ZMYM2: variants seen among roughly 807,000 people sequenced by gnomAD.
ZMYM2 encodes zinc finger MYM-type containing 2.
ZMYM2 carries 56 observed loss-of-function variants against 162.8 expected under a neutral mutation model. The observed-to-expected ratio is 0.34, with a 90% CI of 0.28 to 0.43. ZMYM2 has a LOEUF of 0.43. Among genes scored for constraint, ZMYM2 ranks in the 20% least tolerant of loss-of-function variants. ZMYM2 has a pLI of 1.00. For synonymous variants in ZMYM2, 510 were observed against 541.6 expected (o/e 0.94, Z 0.81); for missense variants, 1,275 against 1,621.8 (o/e 0.79, Z 3.67).
At chr13:20,007,525 AATTT>A (rs1329168710) in intron 6 of ZMYM2, among the ~76,000 whole-genome samples, 4 of 152,156 alleles carry the variant, frequency 2.6e-5, no homozygotes, top group South Asian at 4.2e-4. Context: ...AATCTTCATA[AATTT>A]ATTTATTAAA....
chr13:20,020,857 G>C (rs1027344858), intron 7 of ZMYM2, among the ~76,000 whole-genome samples: 1 of 151,934 alleles, frequency 6.6e-6, no homozygotes, highest in South Asian at 2.1e-4. Flanking sequence ...GTCTCTAAAA[G>C]TTCCATTTGT....
At chr13:19,878,499 CTA>C in the ZMYM2 span, among the ~76,000 whole-genome samples, 1 of 144,360 alleles carries the variant, frequency 6.9e-6, no homozygotes, top group African/African-American at 2.5e-5. Context: ...GGAGAAATGT[CTA>C]TTCAATTCCT....
the ZMYM2 span, among the ~76,000 whole-genome samples, chr13:19,912,421 A>G: frequency 9.4e-3 from 1,417 of 150,524 alleles, 14 homozygotes; most frequent in Middle Eastern, 0.044. Flanking sequence ...CAGCCTCAAC[A>G]TCCTGGGCTC....
At chr13:19,930,358 G>A in the ZMYM2 span, among the ~76,000 whole-genome samples, 6 of 151,840 alleles carry the variant, frequency 4.0e-5, no homozygotes, top group Non-Finnish European at 7.4e-5. Flanking sequence ...CTGAGATCAC[G>A]CCACTGCACT....
Position 20,044,619 on chromosome 13 carries a change from T to G in ZMYM2, c.2293-6814T>G, listed in dbSNP as rs576233855. Among the ~76,000 whole-genome samples the G allele has an allele frequency of 3.3e-5, 5 of 152,280 alleles. No homozygotes were observed. In the South Asian group the frequency reaches 1.0e-3, roughly 32 times the overall value. ...CTTTTCACACATTGCATCAGTTTCTTCCTAGATAAGAAAATGAGTGTAAAT... is the reference window on the plus strand; with the variant it reads ...CTTTTCACACATTGCATCAGTTTCTGCCTAGATAAGAAAATGAGTGTAAAT... On this transcript the variant is annotated intron_variant, in intron 12 of 24. Coordinates refer to ENST00000610343, the MANE Select transcript of ZMYM2 (RefSeq NM_197968.4).
chr13:20,086,959 A>G lies in ZMYM2; in HGVS notation c.*945A>G, dbSNP rs1958311098. The G allele has an allele frequency of 5.5e-6, 1 of 181,558 alleles. No homozygotes were observed. The highest frequency in any genetic ancestry group is 1.2e-5 in the Non-Finnish European group (1 of 85,058). 11.2% of individuals were successfully genotyped at this position (181,558 alleles called of 1,614,324 possible). A position where few individuals can be genotyped will look rare whatever the true frequency, so the allele number is the denominator to read the frequency against. On this transcript the variant is annotated 3_prime_UTR_variant, in exon 25 of 25. Transcript: ENST00000610343. ...TTATTTCTTTTTTTCCCTCTTAAGG[A>G]TACAGATCATGCTGCAATGTTAGCT... is the stretch of plus-strand genomic sequence containing the variant.
intron 6 of ZMYM2, 29 bp from the exon 7 acceptor site, chr13:20,019,518 T>G: frequency 1.3e-6 from 2 of 1,541,388 alleles, no homozygotes; most frequent in Non-Finnish European, 1.8e-6. Context: ...TTATGTGTGT[T>G]TATAAAGTCT....
At chr13:19,951,267 C>CAA in the ZMYM2 span, among the ~76,000 whole-genome samples, 1 of 152,024 alleles carries the variant, frequency 6.6e-6, no homozygotes, top group African/African-American at 2.4e-5. Context: ...GTAAAGGAAA[C>CAA]AATCAACAGA....
At chr13:19,979,808 G>C (rs1008213942) in intron 2 of ZMYM2, among the ~76,000 whole-genome samples, 1 of 152,300 alleles carries the variant, frequency 6.6e-6, no homozygotes, top group East Asian at 1.9e-4. Flanking sequence ...ATGATCACCA[G>C]CGTCTCCCTG....
At chr13:20,007,994 C>A (rs552098443) in intron 6 of ZMYM2, among the ~76,000 whole-genome samples, 1 of 152,276 alleles carries the variant, frequency 6.6e-6, no homozygotes, top group South Asian at 2.1e-4. Context: ...GTTTCAATTA[C>A]TCACAGTCAG....
chr13:19,876,389 C>T, the ZMYM2 span, among the ~76,000 whole-genome samples: 1 of 151,838 alleles, frequency 6.6e-6, no homozygotes, highest in Admixed American at 6.6e-5. Flanking sequence ...GTGGCACGAT[C>T]TCGGCTCACT....
the ZMYM2 span, among the ~76,000 whole-genome samples, chr13:19,903,840 C>G: frequency 6.7e-6 from 1 of 149,690 alleles, no homozygotes; most frequent in African/African-American, 2.5e-5. Context: ...GAGTGAGACC[C>G]TGTCTCAAAA....
At chr13:20,064,967 C>T (rs1176412203) in intron 19 of ZMYM2, among the ~76,000 whole-genome samples, 5 of 151,886 alleles carry the variant, frequency 3.3e-5, no homozygotes, top group African/African-American at 7.3e-5. Context: ...GTTTTTTCCA[C>T]GATTATTTCT....
In ZMYM2 at chr13:20,086,498, TGTTTTGTTTTGGG is replaced by T; in HGVS notation, c.*496_*508del. The T allele has an allele frequency of 4.6e-6, 1 of 218,772 alleles. No homozygotes were observed. The highest frequency in any genetic ancestry group is 6.7e-5 in the East Asian group (1 of 14,908). The allele number at this position is 218,772 out of a possible 1,614,324, so 13.6% of individuals were successfully genotyped here. ...CTGTAAACTAATAGGCTGGGGTTTT[TGTTTTGTTTTGGG>T]GTTTTGTTTTGTTTGGTTTTACATT... is the stretch of plus-strand genomic sequence containing the variant. On this transcript the variant is annotated 3_prime_UTR_variant, in exon 25 of 25. Transcript: ENST00000610343.
At chr13:19,926,360 ATT>A in the ZMYM2 span, among the ~76,000 whole-genome samples, 19 of 105,420 alleles carry the variant, frequency 1.8e-4, no homozygotes, top group Admixed American at 3.1e-4. Flanking sequence ...AGGACTACTT[ATT>A]TTTTTTTTTT....
At chr13:20,052,082 G>A (rs1396878965) in intron 13 of ZMYM2, among the ~76,000 whole-genome samples, 195 bp from the exon 14 acceptor site, 1 of 152,018 alleles carries the variant, frequency 6.6e-6, no homozygotes, top group Non-Finnish European at 1.5e-5. Context: ...GGGACGAAAG[G>A]AGAAAAGGAT....
At chr13:20,054,781 C>G (rs745677426) in intron 14 of ZMYM2, among the ~76,000 whole-genome samples, 1 of 152,182 alleles carries the variant, frequency 6.6e-6, no homozygotes, top group African/African-American at 2.4e-5. Flanking sequence ...ACTTTAGATC[C>G]TCTCTTCTGG....
At chr13:20,022,607 T>C (rs1182045032) in intron 7 of ZMYM2, among the ~76,000 whole-genome samples, 11 of 152,232 alleles carry the variant, frequency 7.2e-5, no homozygotes, top group Admixed American at 7.2e-4. Context: ...AGAAAAATTG[T>C]AAATTAAACA....
intron 2 of ZMYM2, among the ~76,000 whole-genome samples, chr13:19,990,046 A>G (rs1028025498): frequency 6.6e-6 from 1 of 152,166 alleles, no homozygotes; most frequent in Non-Finnish European, 1.5e-5. Flanking sequence ...TTGTTCCCAC[A>G]TAGCAGCCAC....
Sources: allele counts gnomAD v4.1 joint callset (sites outside exome capture counted in the v4.1 genomes callset), GRCh38; gene constraint gnomAD v4.1.1; transcripts MANE v1.5; gene names NCBI Gene and HGNC (gene_info 2026-07-23, HGNC 2026-07-21).